C10orf53: variants seen among roughly 807,000 people sequenced by gnomAD.
C10orf53 encodes the protein chromosome 10 open reading frame 53, also known as UPF0728 protein C10orf53.
C10orf53 carries 8 observed loss-of-function variants against 9.4 expected under a neutral mutation model. That is an observed-to-expected ratio of 0.85 (90% CI 0.50 to 1.53). The LOEUF (loss-of-function observed/expected upper bound fraction) is 1.53, where lower values mean the gene tolerates loss of function less well. C10orf53 is among the 40% of genes most tolerant of loss of function. The probability of loss-of-function intolerance (pLI) is 0.00; values close to 1 mark genes in which losing one functional copy is unlikely to be tolerated. For synonymous variants in C10orf53, 48 were observed against 46.0 expected (o/e 1.04, Z -0.18); for missense variants, 117 against 117.8 (o/e 0.99, Z 0.03).
At chr10:49,693,625 A>G (rs1153796) in intron 1 of C10orf53, 149 bp from the exon 2 acceptor site, 828,858 of 947,582 alleles carry the variant, frequency 0.87, 368,540 homozygotes, top group Non-Finnish European at 0.93. Flanking sequence ...CCTGGGGCCA[A>G]CACCCAGAAA....
In C10orf53 at chr10:49,692,195, G is replaced by A. The variant is rs186163547; in HGVS notation, c.98-1579G>A. On this transcript the variant is annotated intron_variant, in intron 1 of 2. Coordinates refer to ENST00000374111, the MANE Select transcript of C10orf53 (RefSeq NM_001042427.3). ...GCCTTCTTCAAAGACGTTTAAGAAC[G>A]AGACACTTAAACAGGATGCAATATC... is the stretch of plus-strand genomic sequence containing the variant. Among the ~76,000 whole-genome samples, 498 of 152,300 alleles carry A rather than the reference G, an allele frequency of 3.3e-3. 1 individual carries two copies. The highest frequency in any genetic ancestry group is 5.2e-3 in the Non-Finnish European group (355 of 68,040).
intron 1 of C10orf53, among the ~76,000 whole-genome samples, chr10:49,684,495 G>C (rs1336621861): frequency 6.6e-6 from 1 of 152,116 alleles, no homozygotes; most frequent in Non-Finnish European, 1.5e-5. Context: ...ATGCACACAG[G>C]ATGCATTTTC....
chr10:49,693,667 G>A, intron 1 of C10orf53, 107 bp from the exon 2 acceptor site: 2 of 1,370,312 alleles, frequency 1.5e-6, no homozygotes, highest in Non-Finnish European at 2.0e-6. Flanking sequence ...TGATACCCAT[G>A]AGCAACTAGA....
In C10orf53 at chr10:49,694,802, C is replaced by A; in HGVS notation, c.*200C>A. 4 of 1,393,868 alleles carry A rather than the reference C, an allele frequency of 2.9e-6. No homozygotes were observed. Among genetic ancestry groups the A allele is most frequent in the Non-Finnish European group, 3.7e-6 (4 of 1,076,832 alleles). 86.3% of individuals were successfully genotyped at this position (1,393,868 alleles called of 1,614,324 possible). On this transcript the variant is annotated 3_prime_UTR_variant, in exon 3 of 3. Coordinates refer to ENST00000374111, the MANE Select transcript of C10orf53 (RefSeq NM_001042427.3). ...CAGGAGCCCACAGAAATAATAAAAA[C>A]CACATCATTTATAACATGTCTCAAT...
intron 1 of C10orf53, among the ~76,000 whole-genome samples, chr10:49,688,010 G>A (rs1840544752): frequency 6.6e-6 from 1 of 152,188 alleles, no homozygotes; most frequent in Non-Finnish European, 1.5e-5. Context: ...GAAAGATGAA[G>A]GCAGGAGATT....
chr10:49,683,079 G>T (rs1840495458), intron 1 of C10orf53, among the ~76,000 whole-genome samples: 1 of 152,236 alleles, frequency 6.6e-6, no homozygotes, highest in Non-Finnish European at 1.5e-5. Flanking sequence ...TTAAGGGACT[G>T]AAATTGCTGA....
chr10:49,708,771 C>T, exon 3 of C10orf53: 1 of 1,127,420 alleles, frequency 8.9e-7, no homozygotes, highest in Non-Finnish European at 1.2e-6. Context: ...CCACAGGCAA[C>T]CTGTGGCAAA....
At chr10:49,681,865 A>G (rs1840481723) in intron 1 of C10orf53, among the ~76,000 whole-genome samples, 1 of 152,198 alleles carries the variant, frequency 6.6e-6, no homozygotes, top group African/African-American at 2.4e-5. Flanking sequence ...AAGCACCTGT[A>G]GTCACATTGG....
chr10:49,680,557 A>G (rs60034522), intron 1 of C10orf53, among the ~76,000 whole-genome samples: 1,664 of 152,316 alleles, frequency 0.011, 29 homozygotes, highest in African/African-American at 0.034. Flanking sequence ...CTGATGGGGG[A>G]TGAGGCTGGA....
chr10:49,700,771 C>T (rs1421459005), downstream of C10orf53, among the ~76,000 whole-genome samples: 2 of 152,148 alleles, frequency 1.3e-5, no homozygotes, highest in African/African-American at 4.8e-5. Context: ...TTCAGAGTCT[C>T]ACCCTGGAAC....
chr10:49,701,876 A>C (rs1196279051), downstream of C10orf53, among the ~76,000 whole-genome samples: 3 of 152,196 alleles, frequency 2.0e-5, no homozygotes, highest in Admixed American at 6.6e-5. Context: ...GAAGGGTCAA[A>C]ATCAGCAGCA....
intron 2 of C10orf53, among the ~76,000 whole-genome samples, chr10:49,707,802 G>A (rs992066756): frequency 1.3e-5 from 2 of 151,964 alleles, no homozygotes; most frequent in East Asian, 3.9e-4. Flanking sequence ...GTCTTCAGAG[G>A]GATGTACATT....
intron 2 of C10orf53, among the ~76,000 whole-genome samples, chr10:49,704,099 C>T (rs79539249): frequency 2.0e-5 from 3 of 152,110 alleles, no homozygotes; most frequent in Admixed American, 6.5e-5. Context: ...AAACTTGAAA[C>T]CTTTCATAAA....
chr10:49,708,894 T>A (rs997748526), exon 3 of C10orf53: 10 of 470,372 alleles, frequency 2.1e-5, no homozygotes, highest in Non-Finnish European at 3.1e-5. Context: ...CCCACCATCT[T>A]CTGAAGTGAA....
chr10:49,682,134 T>A (rs568306716), intron 1 of C10orf53, among the ~76,000 whole-genome samples: 1 of 152,336 alleles, frequency 6.6e-6, no homozygotes, highest in African/African-American at 2.4e-5. Context: ...TTAACCATGT[T>A]AAGCATACAA....
chr10:49,680,039 G>GA (rs1840464860), intron 1 of C10orf53, among the ~76,000 whole-genome samples: 1 of 152,330 alleles, frequency 6.6e-6, no homozygotes, highest in East Asian at 1.9e-4. Context: ...TACCTCCATA[G>GA]AAAAAATTAC....
At chr10:49,686,517 G>A (rs548185156) in intron 1 of C10orf53, among the ~76,000 whole-genome samples, 38 of 152,310 alleles carry the variant, frequency 2.5e-4, no homozygotes, top group South Asian at 2.1e-3. Flanking sequence ...GTAGACAGAC[G>A]TGTGAGTAGG....
At chr10:49,683,354 AT>A (rs1840497695) in intron 1 of C10orf53, among the ~76,000 whole-genome samples, 1 of 152,150 alleles carries the variant, frequency 6.6e-6, no homozygotes, top group Non-Finnish European at 1.5e-5. Context: ...TCCTTTGCCC[AT>A]TTTTTAAATT....
Position 49,696,768 on chromosome 10 carries a change from G to C in C10orf53, c.*2166G>C, listed in dbSNP as rs1301202541. Among the ~76,000 whole-genome samples, 1 of 152,118 alleles carries C rather than the reference G, an allele frequency of 6.6e-6. No homozygotes were observed. The highest frequency in any genetic ancestry group is 1.5e-5 in the Non-Finnish European group (1 of 68,028). ...TCTGAGCAGTGGGATTGGGGGGTGT[G>C]GGGGGCAGGTGAGGTAGAGGGAGGA... is the stretch of plus-strand genomic sequence containing the variant. On this transcript the variant is annotated 3_prime_UTR_variant, in exon 3 of 3. Coordinates refer to ENST00000374111, the MANE Select transcript of C10orf53 (RefSeq NM_001042427.3).
Sources: gnomAD v4.1 joint callset for allele counts (sites outside exome capture counted in the v4.1 genomes callset) on GRCh38, gnomAD v4.1.1 for gene constraint, MANE v1.5 for transcripts, NCBI Gene and HGNC (gene_info 2026-07-23, HGNC 2026-07-21) for gene names.